The following ACACB variants were observed in gnomAD, a reference collection of about 807,000 sequenced individuals.
ACACB encodes acetyl-CoA carboxylase 2.
Under a neutral mutation model 278.8 loss-of-function variants are expected in ACACB, and 209 were observed. The ratio of observed to expected loss-of-function variants is 0.75; its 90% confidence interval spans 0.67 to 0.84. The LOEUF (loss-of-function observed/expected upper bound fraction) is 0.84. Among genes scored for constraint, ACACB ranks in the 40% least tolerant of loss-of-function variants. The pLI is 0.00. For synonymous variants in ACACB, 1,174 were observed against 1,285.6 expected (o/e 0.91, Z 1.86); for missense variants, 2,850 against 3,269.0 (o/e 0.87, Z 3.13).
chr12:109,112,766 T>A (rs2042334358), upstream of ACACB, among the ~76,000 whole-genome samples: 1 of 151,634 alleles, frequency 6.6e-6, no homozygotes, highest in Non-Finnish European at 1.5e-5. Context: ...GCTTTTTTCA[T>A]GTGTCAAGTC....
chr12:109,118,286 T>C (rs1340209019), intron 1 of ACACB, among the ~76,000 whole-genome samples: 1 of 152,178 alleles, frequency 6.6e-6, no homozygotes, highest in Admixed American at 6.5e-5. Flanking sequence ...CACCTTTAGG[T>C]CTGAGACAGA....
rs1341207989 is a variant in ACACB, at chr12:109,245,693, T to C, written c.5246T>C (p.Val1749Ala). The C allele has an allele frequency of 6.2e-7, 1 of 1,614,172 alleles. No individual in the cohort carries two copies. The highest frequency in any genetic ancestry group is 8.5e-7 in the Non-Finnish European group (1 of 1,180,012). The stretch of plus-strand genomic sequence containing the variant: ...GACATCCTGACATACACTGAATTAG[T>C]GTTGGACTCTCAGGGCCAGCTGGTG... Reference protein sequence around the residue: ...PKDILTYTELVLDSQGQLVEM... With the variant: ...PKDILTYTELALDSQGQLVEM... The change falls in exon 38 of 53, where the codon GTG becomes GCG. Residue 1749 changes from valine to alanine, a missense_variant. By Grantham distance (64) the Val-to-Ala change is moderately conservative. Coordinates refer to ENST00000338432, the MANE Select transcript of ACACB (RefSeq NM_001093.4).
chr12:109,111,219 CGAGCACCGTG>C, the ACACB span: 1 of 152,424 alleles, frequency 6.6e-6, no homozygotes, highest in African/African-American at 2.4e-5. Flanking sequence ...GCCCCAACTC[CGAGCACCGTG>C]GAGCACCGGC....
intron 35 of ACACB, among the ~76,000 whole-genome samples, chr12:109,240,608 AAT>A (rs1565961170): frequency 6.7e-6 from 1 of 148,238 alleles, no homozygotes; most frequent in Non-Finnish European, 1.5e-5. Flanking sequence ...ATTATTTAAT[AAT>A]ATATATTATT....
chr12:109,266,199 TG>T, intron 52 of ACACB, 36 bp from the exon 53 acceptor site: 1 of 1,601,108 alleles, frequency 6.2e-7, no homozygotes, highest in Non-Finnish European at 8.5e-7. Context: ...AAAAAGTGGC[TG>T]GAGTGATCCC....
chr12:109,232,638 G>A, intron 28 of ACACB, 31 bp from the exon 29 acceptor site: 14 of 1,606,734 alleles, frequency 8.7e-6, no homozygotes, highest in Middle Eastern at 1.7e-4. Context: ...GCAAGCAGCT[G>A]CCTCATCCCC....
At chr12:109,146,697 C>T (rs976800886) in intron 2 of ACACB, among the ~76,000 whole-genome samples, 1 of 152,144 alleles carries the variant, frequency 6.6e-6, no homozygotes, top group African/African-American at 2.4e-5. Flanking sequence ...TTTTTTGAGA[C>T]ATGATCTTGC....
At chr12:109,157,815 T>C (rs1377530109) in intron 2 of ACACB, among the ~76,000 whole-genome samples, 2 of 152,094 alleles carry the variant, frequency 1.3e-5, no homozygotes, top group East Asian at 3.8e-4. Context: ...GGGTCACAGT[T>C]CAGAGAGTAG....
intron 7 of ACACB, 115 bp from the exon 8 acceptor site, chr12:109,175,816 C>A: frequency 2.5e-6 from 2 of 805,948 alleles, no homozygotes; most frequent in Non-Finnish European, 2.1e-6. Flanking sequence ...CTGTATTCCG[C>A]TGGTCCAGAA....
chr12:109,197,265 C>T, intron 17 of ACACB, 112 bp downstream of exon 17: 2 of 1,371,272 alleles, frequency 1.5e-6, no homozygotes, highest in Non-Finnish European at 1.9e-6. Flanking sequence ...AGAGAAGGTG[C>T]CTTTCTGGTA....
intron 37 of ACACB, among the ~76,000 whole-genome samples, chr12:109,244,982 C>T (rs2046900589): frequency 6.6e-6 from 1 of 151,830 alleles, no homozygotes; most frequent in South Asian, 2.1e-4. Context: ...GGTGGATCAC[C>T]TGAGGTCAGG....
intron 20 of ACACB, among the ~76,000 whole-genome samples, chr12:109,208,497 C>G (rs563295104): frequency 6.6e-6 from 1 of 152,176 alleles, no homozygotes. Context: ...CATCAGCCAC[C>G]GCACCCCACA....
intron 7 of ACACB, among the ~76,000 whole-genome samples, chr12:109,175,017 A>G (rs2044239450): frequency 1.3e-5 from 2 of 152,208 alleles, no homozygotes; most frequent in African/African-American, 4.8e-5. Context: ...TTTACTTAAC[A>G]GTCCTCATGG....
chr12:109,196,836 A>G (rs1424714910), intron 16 of ACACB, among the ~76,000 whole-genome samples, 172 bp from the exon 17 acceptor site: 1 of 152,132 alleles, frequency 6.6e-6, no homozygotes, highest in African/African-American at 2.4e-5. Flanking sequence ...CCCCAGCCCC[A>G]TCAGCAGCTG....
intron 1 of ACACB, among the ~76,000 whole-genome samples, chr12:109,123,942 G>A (rs2042616436): frequency 6.6e-6 from 1 of 151,712 alleles, no homozygotes; most frequent in African/African-American, 2.4e-5. Flanking sequence ...TCCTGCCTTG[G>A]CCTCCCAAAG....
chr12:109,232,531 AT>A (rs1301594832), intron 28 of ACACB, 137 bp from the exon 29 acceptor site: 2 of 1,095,766 alleles, frequency 1.8e-6, no homozygotes, highest in East Asian at 2.6e-5. Context: ...CCATTGTCTC[AT>A]CCCCTGCCCA....
intron 51 of ACACB, 35 bp from the exon 52 acceptor site, chr12:109,265,354 G>T (rs758696771): frequency 1.9e-6 from 3 of 1,611,562 alleles, no homozygotes; most frequent in Non-Finnish European, 8.5e-7. Flanking sequence ...CCACAGCTGG[G>T]TCCCTCTCTG....
intron 47 of ACACB, 98 bp from the exon 48 acceptor site, chr12:109,260,382 T>C: frequency 6.8e-7 from 1 of 1,462,462 alleles, no homozygotes; most frequent in Non-Finnish European, 9.5e-7. Flanking sequence ...GCCTCTCAGC[T>C]GGGCTCACTC....
intron 3 of ACACB, chr12:109,167,253 A>T (rs998529340): frequency 9.2e-6 from 4 of 434,138 alleles, no homozygotes; most frequent in African/African-American, 8.0e-5. Flanking sequence ...AAAAGTGTTA[A>T]GGGTGATCAC....
Sources: gnomAD v4.1 joint callset for allele counts (sites outside exome capture counted in the v4.1 genomes callset) on GRCh38, gnomAD v4.1.1 for gene constraint, MANE v1.5 for transcripts, NCBI Gene and HGNC (gene_info 2026-07-23, HGNC 2026-07-21) for gene names.